Variants in AP3S2 observed in about 807,000 individuals in gnomAD.
The protein encoded by AP3S2 is adaptor related protein complex 3 subunit sigma 2.
Under a neutral mutation model 23.4 loss-of-function variants are expected in AP3S2, and 22 were observed. The observed-to-expected ratio is 0.94, with a 90% CI of 0.67 to 1.34. The LOEUF (loss-of-function observed/expected upper bound fraction) is 1.34. AP3S2 is among the 40% of genes most tolerant of loss of function. AP3S2 has a pLI of 0.00. For synonymous variants in AP3S2, 86 were observed against 87.1 expected, an observed-to-expected ratio of 0.99 and a Z score of 0.07; for missense variants, 241 against 236.9, an observed-to-expected ratio of 1.02 and a Z score of -0.11.
At chr15:89,871,368 T>A in intron 4 of AP3S2, 107 bp downstream of exon 4, 3 of 997,200 alleles carry the variant, frequency 3.0e-6, no homozygotes, top group Non-Finnish European at 4.4e-6. Flanking sequence ...ATCTTAAGAG[T>A]AAAAAAAAAC....
chr15:89,859,906 G>A (rs1895972587), intron 4 of AP3S2, among the ~76,000 whole-genome samples: 1 of 151,820 alleles, frequency 6.6e-6, no homozygotes, highest in Non-Finnish European at 1.5e-5. Flanking sequence ...TAGGACTACA[G>A]GCACCTGCCA....
chr15:89,889,015 A>G, intron 2 of AP3S2, 34 bp downstream of exon 2: 2 of 1,613,206 alleles, frequency 1.2e-6, no homozygotes, highest in Non-Finnish European at 1.7e-6. Flanking sequence ...TCACAAGTGG[A>G]TATATGGGGA....
At chr15:89,862,900 A>AT (rs1810855843) in intron 4 of AP3S2, among the ~76,000 whole-genome samples, 2 of 151,878 alleles carry the variant, frequency 1.3e-5, no homozygotes, top group Non-Finnish European at 2.9e-5. Context: ...GAGCATGAAA[A>AT]TTTTTTTTTA....
At chr15:89,867,368 A>C (rs1347477135) in intron 4 of AP3S2, among the ~76,000 whole-genome samples, 4 of 150,756 alleles carry the variant, frequency 2.7e-5, no homozygotes, top group East Asian at 2.0e-4. Flanking sequence ...ACTACAACCT[A>C]CACCTCCCAG....
chr15:89,858,928 G>A (rs1274960510), intron 4 of AP3S2, among the ~76,000 whole-genome samples: 1 of 152,174 alleles, frequency 6.6e-6, no homozygotes, highest in South Asian at 2.1e-4. Flanking sequence ...GTGCACTGAG[G>A]CAATCCAAAG....
chr15:89,846,885 G>C lies in AP3S2; in HGVS notation c.346-9163C>G, dbSNP rs538759800. Among the ~76,000 whole-genome samples the C allele has an allele frequency of 2.8e-3, 421 of 151,900 alleles. 1 individual carries two copies. The highest frequency in any genetic ancestry group is 9.7e-3 in the African/African-American group (402 of 41,432). On this transcript the variant is annotated intron_variant, in intron 4 of 5. Coordinates refer to ENST00000336418, the MANE Select transcript of AP3S2 (RefSeq NM_005829.5). ...GGGGTCTCACCATGTTGGCCAGGCT[G>C]GTCTCAAACTCCTGATCTCAGGTGA... is the stretch of plus-strand genomic sequence containing the variant.
At chr15:89,868,594 C>T (rs1412988133) in intron 4 of AP3S2, among the ~76,000 whole-genome samples, 9 of 123,202 alleles carry the variant, frequency 7.3e-5, no homozygotes, top group South Asian at 2.8e-4. Context: ...CCCGGCCAGC[C>T]GCCCCGTCTG....
chr15:89,858,368 G>A (rs948778675), intron 4 of AP3S2, among the ~76,000 whole-genome samples: 1 of 151,836 alleles, frequency 6.6e-6, no homozygotes, highest in East Asian at 1.9e-4. Context: ...TTGAACCCAG[G>A]AGGTGGAGGT....
Position 89,854,072 on chromosome 15 carries a change from G to A in AP3S2, c.346-16350C>T, listed in dbSNP as rs1319382700. On this transcript the variant is annotated intron_variant, in intron 4 of 5. Transcript: ENST00000336418. Reference sequence around the variant, plus strand: ...GCCGCCCCATCCGGGAGGGAGGTGGGGGGTCAGCCCCCCCGCCCGGCCAGC... The same window carrying A: ...GCCGCCCCATCCGGGAGGGAGGTGGAGGGTCAGCCCCCCCGCCCGGCCAGC... Among the ~76,000 whole-genome samples the A allele has an allele frequency of 7.8e-5, 4 of 51,446 alleles. 1 individual carries two copies. The East Asian group carries it at 3.4e-3, about 44-fold the overall frequency. The allele number at this position is 51,446 out of a possible 152,430, so 33.8% of individuals were successfully genotyped here. A position where few individuals can be genotyped will look rare whatever the true frequency, so the allele number is the denominator to read the frequency against.
chr15:89,850,329 T>C (rs765015166), intron 4 of AP3S2, among the ~76,000 whole-genome samples: 2 of 152,216 alleles, frequency 1.3e-5, no homozygotes, highest in African/African-American at 2.4e-5. Flanking sequence ...CACAGGATCA[T>C]ACATTGTTTC....
chr15:89,890,832 G>A (rs1896803087), intron 1 of AP3S2, among the ~76,000 whole-genome samples: 1 of 152,166 alleles, frequency 6.6e-6, no homozygotes, highest in East Asian at 1.9e-4. Flanking sequence ...CGTAATTGTG[G>A]GGAAATTACT....
chr15:89,885,934 CA>C (rs34323747), intron 3 of AP3S2, among the ~76,000 whole-genome samples: 49,227 of 104,992 alleles, frequency 0.47, 10,304 homozygotes, highest in African/African-American at 0.64. Flanking sequence ...GACCTTGTCT[CA>C]AAAAAAAAAA....
chr15:89,863,823 T>C (rs182894214), intron 4 of AP3S2, among the ~76,000 whole-genome samples: 58 of 152,328 alleles, frequency 3.8e-4, no homozygotes, highest in African/African-American at 1.3e-3. Flanking sequence ...AGAACAGAGT[T>C]CAAGGTGATG....
chr15:89,839,610 C>G (rs1036685215), intron 4 of AP3S2, among the ~76,000 whole-genome samples: 5 of 152,090 alleles, frequency 3.3e-5, no homozygotes, highest in Admixed American at 1.3e-4. Context: ...GGTGGTTCCT[C>G]AAAAAGATTA....
chr15:89,876,083 C>T lies in AP3S2; in HGVS notation c.274-4537G>A, dbSNP rs1896436366. ...AGAGGGAAAAGAAGTAGTCTCAATCCAGAAGCAGAGAGAAGAACGATCATG... is the reference window on the plus strand; with the variant it reads ...AGAGGGAAAAGAAGTAGTCTCAATCTAGAAGCAGAGAGAAGAACGATCATG... On this transcript the variant is annotated intron_variant, in intron 3 of 5. Coordinates refer to ENST00000336418, the MANE Select transcript of AP3S2 (RefSeq NM_005829.5). Among the ~76,000 whole-genome samples the T allele has an allele frequency of 2.0e-5, 3 of 152,146 alleles. No homozygotes were observed. In the South Asian group the frequency reaches 6.2e-4, roughly 32 times the overall value.
chr15:89,863,718 G>A lies in AP3S2; in HGVS notation c.345+7757C>T, dbSNP rs186660458. On this transcript the variant is annotated intron_variant, in intron 4 of 5. Coordinates refer to ENST00000336418, the MANE Select transcript of AP3S2 (RefSeq NM_005829.5). ...TCCGGCCACATCTGCTTAAGGTGAT[G>A]GGGCATCTATCCATGACTATCTAAT... 3.0e-4 allele frequency among the ~76,000 whole-genome samples: 46 copies of A among 152,272 alleles called. No homozygotes were observed. In the East Asian group the frequency reaches 7.3e-3, roughly 24 times the overall value.
intron 4 of AP3S2, among the ~76,000 whole-genome samples, chr15:89,844,549 A>G (rs1895440341): frequency 6.6e-6 from 1 of 151,056 alleles, no homozygotes; most frequent in Non-Finnish European, 1.5e-5. Context: ...AGGTCTTGCT[A>G]TATTGCTCAG....
Position 89,889,138 on chromosome 15 carries a change from T to C in AP3S2, c.72A>G (p.Pro24=), listed in dbSNP as rs756896190. ...PRLVRFYQRF[P]EEIQQQIVRE... is the part of the protein sequence containing the mutation. ...GAACAATCTGCTGTTGAATTTCTTCTGGCTATGAAACAAAAAGATAAGTGA... is the reference window on the plus strand; with the variant it reads ...GAACAATCTGCTGTTGAATTTCTTCCGGCTATGAAACAAAAAGATAAGTGA... The change falls in exon 2 of 6, where the codon CCA becomes CCG. Residue 24 remains proline (P), a splice_region_variant and synonymous_variant. Transcript: ENST00000336418. The C allele has an allele frequency of 7.4e-6, 12 of 1,614,194 alleles. No individual in the cohort carries two copies. The East Asian group carries it at 2.7e-4, about 36-fold the overall frequency.
intron 4 of AP3S2, among the ~76,000 whole-genome samples, chr15:89,847,854 C>T (rs904257140): frequency 6.6e-6 from 1 of 152,180 alleles, no homozygotes; most frequent in African/African-American, 2.4e-5. Flanking sequence ...CTCATGAAAG[C>T]AGACTTAAAT....
Sources: allele counts gnomAD v4.1 joint callset (sites outside exome capture counted in the v4.1 genomes callset), GRCh38; gene constraint gnomAD v4.1.1; transcripts MANE v1.5; gene names NCBI Gene and HGNC (gene_info 2026-07-23, HGNC 2026-07-21).